The following BRI3 variants were observed in gnomAD, a reference collection of about 807,000 sequenced individuals.
The protein encoded by BRI3 is brain protein I3.
In BRI3, 6 loss-of-function variants were observed where a neutral mutation model predicts 12.8. That is an observed-to-expected ratio of 0.47 (90% confidence interval 0.26 to 0.93). The LOEUF (loss-of-function observed/expected upper bound fraction) is 0.93, where lower values mean the gene tolerates loss of function less well. Ranked by LOEUF, BRI3 falls within the 40% of genes least tolerant of loss-of-function variation. The pLI, the probability that BRI3 is intolerant of heterozygous loss-of-function variation, is 0.15. For synonymous variants in BRI3, 91 were observed against 76.1 expected (o/e 1.20, Z -1.02); for missense variants, 134 against 171.1 (o/e 0.78, Z 1.21).
downstream of BRI3, chr7:98,292,127 G>A (rs1044474086): frequency 1.9e-5 from 3 of 155,580 alleles, no homozygotes; most frequent in African/African-American, 4.8e-5. Flanking sequence ...GGAGCCTGAA[G>A]CATCGGCCAC....
downstream of BRI3, chr7:98,293,500 GGA>G: frequency 6.2e-7 from 1 of 1,607,436 alleles, no homozygotes; most frequent in Non-Finnish European, 8.5e-7. Flanking sequence ...GAGAGGCCCG[GGA>G]GAGTCCTTGG....
downstream of BRI3, chr7:98,293,982 C>G: frequency 7.1e-7 from 1 of 1,413,646 alleles, no homozygotes; most frequent in Non-Finnish European, 9.9e-7. Flanking sequence ...TCAGGCTGGA[C>G]CCCCTGGGCT....
chr7:98,291,112 G>T lies in BRI3; in HGVS notation c.247G>T (p.Val83Phe). The change falls in exon 3 of 3, where the codon GTT becomes TTT. Residue 83 changes from valine (V) to phenylalanine (F), a missense_variant and splice_region_variant. Coordinates refer to ENST00000297290, the MANE Select transcript of BRI3 (RefSeq NM_015379.5). Reference protein sequence around the residue: ...VVVGGCPVCRVGVLEDCFTFL... With the variant: ...VVVGGCPVCRFGVLEDCFTFL... Reference sequence around the variant, plus strand: ...CCTCTCTGCCCGTCTCTGCTGCAGGGTTGGGGTGCTGGAGGACTGCTTCAC... The same window carrying T: ...CCTCTCTGCCCGTCTCTGCTGCAGGTTTGGGGTGCTGGAGGACTGCTTCAC... 1 of 1,614,166 alleles carries T rather than the reference G, an allele frequency of 6.2e-7. No individual in the cohort carries two copies. Among genetic ancestry groups the T allele is most frequent in the Non-Finnish European group, 8.5e-7 (1 of 1,180,028 alleles).
chr7:98,304,865 AT>A (rs11423233), upstream of BRI3, among the ~76,000 whole-genome samples: 1,566 of 136,284 alleles, frequency 0.011, 21 homozygotes, highest in African/African-American at 0.035. Flanking sequence ...CTCACAAGAA[AT>A]TTTTTTTTTT....
upstream of BRI3, chr7:98,304,142 CAGTCGGGGATGGCG>C (rs1289191840): frequency 9.4e-6 from 14 of 1,486,626 alleles, no homozygotes; most frequent in African/African-American, 2.0e-4. Context: ...CTGCGCCTCC[CAGTCGGGGATGGCG>C]AGTCCAGGAC....
downstream of BRI3, among the ~76,000 whole-genome samples, chr7:98,314,276 C>T (rs564519633): frequency 2.0e-4 from 30 of 152,212 alleles, no homozygotes; most frequent in South Asian, 2.5e-3. Context: ...AGCCACCATG[C>T]GCAGTCCTGA....
At chr7:98,282,995 C>G (rs1000811696) in intron 2 of BRI3, 1 of 153,256 alleles carries the variant, frequency 6.5e-6, no homozygotes, top group Non-Finnish European at 1.5e-5. Context: ...GGATGGAAAC[C>G]CCGTGTTTCT....
intron 2 of BRI3, among the ~76,000 whole-genome samples, chr7:98,288,044 C>T (rs1216737918): frequency 1.3e-5 from 2 of 152,218 alleles, no homozygotes; most frequent in African/African-American, 4.8e-5. Context: ...GGGGACCACT[C>T]TGGGGGGTGC....
chr7:98,294,217 T>C, downstream of BRI3: 1 of 1,201,904 alleles, frequency 8.3e-7, no homozygotes, highest in Non-Finnish European at 1.2e-6. Context: ...GGTTTCGAAC[T>C]CCTGAGCTCA....
chr7:98,290,475 G>A (rs1267970942), intron 2 of BRI3, among the ~76,000 whole-genome samples: 13 of 151,436 alleles, frequency 8.6e-5, no homozygotes, highest in African/African-American at 1.9e-4. Flanking sequence ...GATTACAGGC[G>A]TGAGCCACCG....
intron 2 of BRI3, among the ~76,000 whole-genome samples, chr7:98,289,944 A>G (rs538820711): frequency 1.3e-5 from 2 of 152,252 alleles, no homozygotes; most frequent in East Asian, 3.9e-4. Flanking sequence ...GTCTGTTACA[A>G]ACATTGAACT....
At chr7:98,311,986 T>A, downstream of BRI3, 1 of 1,119,270 alleles carries the variant, frequency 8.9e-7, no homozygotes, top group Non-Finnish European at 1.3e-6. Flanking sequence ...GAAAAGGTGG[T>A]CCTGGAAGTA....
downstream of BRI3, chr7:98,293,977 C>A: frequency 7.2e-7 from 1 of 1,392,638 alleles, no homozygotes; most frequent in Non-Finnish European, 1.0e-6. Context: ...CTTTCTCAGG[C>A]TGGACCCCCT....
chr7:98,302,450 A>G (rs780386928), upstream of BRI3, among the ~76,000 whole-genome samples: 1 of 152,224 alleles, frequency 6.6e-6, no homozygotes, highest in Non-Finnish European at 1.5e-5. Flanking sequence ...CATCACAAAA[A>G]GAGATGGACG....
At chr7:98,293,278 G>A, downstream of BRI3, 1 of 438,084 alleles carries the variant, frequency 2.3e-6, no homozygotes, top group East Asian at 3.4e-5. Flanking sequence ...TTCTTGAACA[G>A]AATAGGAAGA....
chr7:98,311,225 C>T (rs1800856135), downstream of BRI3, among the ~76,000 whole-genome samples: 1 of 152,040 alleles, frequency 6.6e-6, no homozygotes, highest in South Asian at 2.1e-4. Flanking sequence ...TGGGAGTAAA[C>T]TTAGTTGGAA....
intron 2 of BRI3, among the ~76,000 whole-genome samples, chr7:98,283,193 G>T (rs939987839): frequency 3.0e-4 from 46 of 151,952 alleles, no homozygotes; most frequent in Non-Finnish European, 1.5e-4. Context: ...GAAAGTAGGG[G>T]CAGAGTTGGC....
the BRI3 span, among the ~76,000 whole-genome samples, chr7:98,317,681 C>T: frequency 6.7e-6 from 1 of 149,366 alleles, no homozygotes; most frequent in African/African-American, 2.5e-5. Flanking sequence ...ACTCATTTCA[C>T]ACCATCCTTA....
the BRI3 span, chr7:98,317,451 C>A: frequency 1.7e-4 from 252 of 1,491,626 alleles, no homozygotes; most frequent in African/African-American, 3.1e-3. Context: ...TGTGGCTCAA[C>A]GGGGCCCTGA....
Sources: allele counts gnomAD v4.1 joint callset (sites outside exome capture counted in the v4.1 genomes callset), GRCh38; gene constraint gnomAD v4.1.1; transcripts MANE v1.5; gene names NCBI Gene and HGNC (gene_info 2026-07-23, HGNC 2026-07-21).